The following TRAK1 variants were observed in gnomAD, a reference collection of about 807,000 sequenced individuals.
TRAK1 encodes the protein trafficking kinesin-binding protein 1.
In TRAK1, 33 loss-of-function variants were observed where a neutral mutation model predicts 92.1. The ratio of observed to expected loss-of-function variants is 0.36; its 90% confidence interval spans 0.27 to 0.48. The LOEUF is 0.48. Among genes scored for constraint, TRAK1 ranks in the 20% least tolerant of loss-of-function variants. The pLI is 0.99. For synonymous variants in TRAK1, 521 were observed against 517.3 expected (o/e 1.01, Z -0.10); for missense variants, 1,123 against 1,257.9 (o/e 0.89, Z 1.62).
At chr3:42,167,614 C>T (rs1664369232) in intron 2 of TRAK1, among the ~76,000 whole-genome samples, 1 of 152,198 alleles carries the variant, frequency 6.6e-6, no homozygotes, top group South Asian at 2.1e-4. Context: ...GGCACGGTGG[C>T]TCACGCCTGT....
intron 1 of TRAK1, among the ~76,000 whole-genome samples, chr3:42,078,449 G>A (rs945323986): frequency 1.3e-5 from 2 of 152,100 alleles, no homozygotes; most frequent in African/African-American, 4.8e-5. Flanking sequence ...AGGCAGAAGA[G>A]GAGGTTAGAA....
chr3:42,102,249 G>A (rs141943737), intron 1 of TRAK1, among the ~76,000 whole-genome samples: 1 of 152,240 alleles, frequency 6.6e-6, no homozygotes, highest in Admixed American at 6.5e-5. Context: ...GCCTCCCAGG[G>A]TGCTGGGATT....
chr3:42,026,047 CCTCT>C (rs1286679650), intron 1 of TRAK1, among the ~76,000 whole-genome samples: 3 of 151,608 alleles, frequency 2.0e-5, no homozygotes, highest in African/African-American at 7.3e-5. Context: ...TATCTTTCTC[CCTCT>C]GTCTCTTTCT....
At chr3:42,020,686 T>C (rs1701692683) in intron 1 of TRAK1, among the ~76,000 whole-genome samples, 2 of 152,230 alleles carry the variant, frequency 1.3e-5, no homozygotes, top group African/African-American at 4.8e-5. Context: ...TGTTCAGCTT[T>C]AGTAAAAATT....
intron 1 of TRAK1, among the ~76,000 whole-genome samples, chr3:42,073,301 G>A (rs1393081767): frequency 6.6e-6 from 1 of 152,176 alleles, no homozygotes; most frequent in Admixed American, 6.5e-5. Context: ...TATAGTTGCT[G>A]CTGTCGGCTC....
intron 1 of TRAK1, among the ~76,000 whole-genome samples, chr3:42,081,378 A>G (rs2148951443): frequency 6.6e-6 from 1 of 152,312 alleles, no homozygotes; most frequent in East Asian, 1.9e-4. Context: ...TCCAGTATAA[A>G]TGATAGAACC....
chr3:42,019,458 G>A (rs1406265242), intron 1 of TRAK1, among the ~76,000 whole-genome samples: 1 of 152,052 alleles, frequency 6.6e-6, no homozygotes, highest in Admixed American at 6.6e-5. Flanking sequence ...AAATTTTTTT[G>A]TAGAGGTGAG....
At chr3:42,059,312 G>A (rs1052351750) in intron 1 of TRAK1, among the ~76,000 whole-genome samples, 1 of 152,236 alleles carries the variant, frequency 6.6e-6, no homozygotes, top group South Asian at 2.1e-4. Flanking sequence ...CCCAGGCTGG[G>A]ACTTCAGGGC....
At chr3:42,100,609 A>G (rs1311958511) in intron 1 of TRAK1, among the ~76,000 whole-genome samples, 1 of 152,152 alleles carries the variant, frequency 6.6e-6, no homozygotes, top group Admixed American at 6.5e-5. Context: ...ATGGGGGTGT[A>G]ATTTCATTCC....
intron 1 of TRAK1, among the ~76,000 whole-genome samples, chr3:42,108,846 A>G (rs547049026): frequency 6.6e-6 from 1 of 152,294 alleles, no homozygotes; most frequent in East Asian, 1.9e-4. Flanking sequence ...GTTTGAAGGC[A>G]AAGTCTCAGA....
At chr3:42,015,080 A>G (rs959140718) in intron 1 of TRAK1, among the ~76,000 whole-genome samples, 20 of 152,230 alleles carry the variant, frequency 1.3e-4, no homozygotes, top group Admixed American at 1.0e-3. Context: ...GTCTCCCCAG[A>G]TTGAGTGAAG....
chr3:42,220,437 A>G (rs1710227237), intron 15 of TRAK1: 1 of 977,116 alleles, frequency 1.0e-6, no homozygotes. Context: ...CTGGAAGGTA[A>G]AGCAGAAGGG....
chr3:42,102,807 T>C (rs544298627), intron 1 of TRAK1, among the ~76,000 whole-genome samples: 2 of 152,258 alleles, frequency 1.3e-5, no homozygotes, highest in East Asian at 3.9e-4. Context: ...GCAAGCCTCC[T>C]GTGCACAATG....
At chr3:42,096,924 A>G (rs1368004787) in intron 1 of TRAK1, among the ~76,000 whole-genome samples, 1 of 152,264 alleles carries the variant, frequency 6.6e-6, no homozygotes, top group Non-Finnish European at 1.5e-5. Context: ...TTTAAAGAAT[A>G]CACTTTGAGG....
At chr3:42,083,792 C>A (rs1704540077), upstream of TRAK1, among the ~76,000 whole-genome samples, 1 of 152,000 alleles carries the variant, frequency 6.6e-6, no homozygotes, top group Admixed American at 6.6e-5. Flanking sequence ...ATCACCTGAG[C>A]CCGGGAGGTC....
At chr3:42,103,478 C>T (rs1385774854) in intron 1 of TRAK1, among the ~76,000 whole-genome samples, 5 of 152,114 alleles carry the variant, frequency 3.3e-5, no homozygotes, top group Non-Finnish European at 5.9e-5. Flanking sequence ...CCTGGCCATG[C>T]GTTCTTAATA....
At chr3:42,063,585 C>A (rs1333099203) in intron 1 of TRAK1, among the ~76,000 whole-genome samples, 1 of 151,668 alleles carries the variant, frequency 6.6e-6, no homozygotes, top group African/African-American at 2.4e-5. Flanking sequence ...CCTTGGGAGG[C>A]TGAGGTGGGA....
Position 42,053,375 on chromosome 3 carries a change from T to TTG in TRAK1, c.-518-33729_-518-33728insTG, listed in dbSNP as rs1344959137. Reference sequence around the variant, plus strand: ...GACTGCAGTCCCATTCAGAGTCGGGTGGGGGGGGGGGGCGGGGGATGGCAA... The same window carrying TTG: ...GACTGCAGTCCCATTCAGAGTCGGGTTGGGGGGGGGGGGGCGGGGGATGGCAA... On this transcript the variant is annotated intron_variant, in intron 1 of 16. Coordinates refer to the TRAK1 transcript ENST00000487159. Among the ~76,000 whole-genome samples, 72 of 50,678 alleles carry TTG rather than the reference T, an allele frequency of 1.4e-3. 2 individuals are homozygous for TTG. Among genetic ancestry groups the TTG allele is most frequent in the African/African-American group, 3.5e-3 (67 of 18,876 alleles). 33.2% of individuals were successfully genotyped at this position (50,678 alleles called of 152,430 possible).
chr3:42,117,809 TG>T (rs1449624041), intron 1 of TRAK1, among the ~76,000 whole-genome samples: 1 of 136,456 alleles, frequency 7.3e-6, no homozygotes, highest in Non-Finnish European at 1.6e-5. Flanking sequence ...TCCACATATC[TG>T]TATTTCTTCT....
Sources: gnomAD v4.1 joint callset for allele counts (sites outside exome capture counted in the v4.1 genomes callset) on GRCh38, gnomAD v4.1.1 for gene constraint, MANE v1.5 for transcripts, NCBI Gene and HGNC (gene_info 2026-07-23, HGNC 2026-07-21) for gene names.